ARHGAP6: variants seen among roughly 807,000 people sequenced by gnomAD.
The protein encoded by ARHGAP6 is rho GTPase-activating protein 6.
ARHGAP6 carries 16 observed loss-of-function variants against 55.7 expected under a neutral mutation model. The observed-to-expected ratio is 0.29, with a 90% CI of 0.19 to 0.44. The LOEUF is 0.44. Among genes scored for constraint, ARHGAP6 ranks in the 20% least tolerant of loss-of-function variants. ARHGAP6 has a pLI of 1.00. For missense variants in ARHGAP6, 698 were observed against 808.9 expected (o/e 0.86, Z 1.66); for synonymous variants, 382 against 360.9 (o/e 1.06, Z -0.66).
chrX:11,144,777 C>A (rs1033260386), intron 10 of ARHGAP6, among the ~76,000 whole-genome samples: 6 of 112,286 alleles, frequency 5.3e-5, no homozygotes, highest in African/African-American at 1.9e-4. Context: ...ATAAATCCAT[C>A]CTTCATGTGA....
chrX:11,580,758 C>T lies in ARHGAP6; in HGVS notation c.588+83483G>A, dbSNP rs959339506. ...AACAGTGAGAATATATTATATTTTA[C>T]ATTTCTCTAATACTTCCATTTGTGG... On this transcript the variant is annotated intron_variant, in intron 1 of 12. Transcript: ENST00000337414. Among the ~76,000 whole-genome samples, 48 of 112,186 alleles carry T rather than the reference C, an allele frequency of 4.3e-4. 1 individual carries two copies. Among genetic ancestry groups the T allele is most frequent in the Non-Finnish European group, 7.7e-4 (41 of 53,176 alleles).
At chrX:11,590,898 GA>G (rs1175165964) in intron 1 of ARHGAP6, among the ~76,000 whole-genome samples, 1 of 90,422 alleles carries the variant, frequency 1.1e-5, no homozygotes, top group Non-Finnish European at 2.2e-5. Flanking sequence ...AAGAAAGAAA[GA>G]AAGAAAGAAA....
At chrX:11,330,155 G>A (rs1163544667) in intron 1 of ARHGAP6, among the ~76,000 whole-genome samples, 4 of 113,069 alleles carry the variant, frequency 3.5e-5, no homozygotes, top group Non-Finnish European at 7.5e-5. Context: ...GGTGAGGCTG[G>A]GGGATGTCAG....
chrX:11,197,352 T>G (rs1213577885), intron 2 of ARHGAP6, among the ~76,000 whole-genome samples: 1 of 112,213 alleles, frequency 8.9e-6, no homozygotes, highest in Non-Finnish European at 1.9e-5. Flanking sequence ...CTAATCTCCA[T>G]GAGAAGAGAA....
chrX:11,358,935 C>G, intron 1 of ARHGAP6, among the ~76,000 whole-genome samples: 1 of 111,699 alleles, frequency 9.0e-6, no homozygotes, highest in Non-Finnish European at 1.9e-5. Context: ...GGTCCTCCAC[C>G]CATGTCTAGA....
chrX:11,425,294 A>T (rs1464158035), intron 1 of ARHGAP6, among the ~76,000 whole-genome samples: 2 of 112,361 alleles, frequency 1.8e-5, no homozygotes, highest in Non-Finnish European at 3.8e-5. Flanking sequence ...TGAGCAAAGT[A>T]AGTGGAATAT....
At chrX:11,518,609 G>C (rs1194548499) in intron 1 of ARHGAP6, among the ~76,000 whole-genome samples, 2 of 106,349 alleles carry the variant, frequency 1.9e-5, no homozygotes, top group African/African-American at 6.9e-5. Flanking sequence ...TCTTCCTCAA[G>C]GCCTCCCTTG....
intron 1 of ARHGAP6, among the ~76,000 whole-genome samples, chrX:11,430,924 C>G (rs1238985080): frequency 9.0e-6 from 1 of 111,584 alleles, no homozygotes; most frequent in Non-Finnish European, 1.9e-5. Context: ...GTCTATCATT[C>G]CACACTTTAT....
chrX:11,628,512 A>G (rs2052325027), intron 1 of ARHGAP6, among the ~76,000 whole-genome samples: 1 of 112,868 alleles, frequency 8.9e-6, no homozygotes, highest in African/African-American at 3.2e-5. Context: ...AAACAGCTAT[A>G]TTCTCTGCAT....
intron 5 of ARHGAP6, among the ~76,000 whole-genome samples, chrX:11,185,164 G>GTGTGTGTGTGTGTGTGTGTA (rs1569246220): frequency 2.7e-5 from 3 of 110,613 alleles, no homozygotes; most frequent in Non-Finnish European, 5.7e-5. Context: ...GTGTGTGTGT[G>GTGTGTGTGTGTGTGTGTGTA]TGTGTGTGTG....
intron 1 of ARHGAP6, among the ~76,000 whole-genome samples, chrX:11,344,053 T>C (rs1313811347): frequency 8.9e-6 from 1 of 111,974 alleles, no homozygotes; most frequent in Non-Finnish European, 1.9e-5. Flanking sequence ...GGATGACTAA[T>C]TTGAATAATC....
chrX:11,381,698 G>A (rs2049265092), intron 1 of ARHGAP6, among the ~76,000 whole-genome samples: 1 of 112,120 alleles, frequency 8.9e-6, no homozygotes, highest in African/African-American at 3.2e-5. Flanking sequence ...TTTGTCAGAC[G>A]TGCGTTACAG....
At chrX:11,560,978 G>A (rs2051378717) in intron 1 of ARHGAP6, among the ~76,000 whole-genome samples, 1 of 111,759 alleles carries the variant, frequency 8.9e-6, no homozygotes, top group South Asian at 3.7e-4. Context: ...TCTAGGGCAG[G>A]GGCCACACCT....
intron 3 of ARHGAP6, among the ~76,000 whole-genome samples, chrX:11,192,921 T>C (rs760045644): frequency 1.7e-4 from 19 of 112,305 alleles, no homozygotes; most frequent in Non-Finnish European, 3.2e-4. Flanking sequence ...ACACAGAAAT[T>C]TTCTGAAGTT....
chrX:11,625,328 CGTGT>C (rs996332978), intron 1 of ARHGAP6, among the ~76,000 whole-genome samples: 1 of 108,690 alleles, frequency 9.2e-6, no homozygotes, highest in African/African-American at 3.4e-5. Flanking sequence ...TATATGTTTA[CGTGT>C]GTGTGTGTTT....
chrX:11,616,353 G>A (rs751667947), intron 1 of ARHGAP6, among the ~76,000 whole-genome samples: 1 of 110,563 alleles, frequency 9.0e-6, no homozygotes, highest in South Asian at 3.9e-4. Flanking sequence ...TTGAGATGGA[G>A]TCTTGTTCTG....
intron 1 of ARHGAP6, among the ~76,000 whole-genome samples, chrX:11,370,987 A>G: frequency 8.9e-6 from 1 of 112,378 alleles, no homozygotes. Context: ...TAGAAATAGT[A>G]GGAATAACTA....
At chrX:11,644,674 A>G (rs776454758) in intron 1 of ARHGAP6, among the ~76,000 whole-genome samples, 1 of 111,158 alleles carries the variant, frequency 9.0e-6, no homozygotes, top group South Asian at 3.8e-4. Flanking sequence ...TGAAAAAAAT[A>G]GAAACTACTA....
At chrX:11,478,165 A>G (rs1185061179) in intron 1 of ARHGAP6, among the ~76,000 whole-genome samples, 2 of 111,858 alleles carry the variant, frequency 1.8e-5, no homozygotes, top group African/African-American at 3.2e-5. Flanking sequence ...CAGCTTCCCT[A>G]TGAACCAGCA....
Sources: gnomAD v4.1 joint callset for allele counts (sites outside exome capture counted in the v4.1 genomes callset) on GRCh38, gnomAD v4.1.1 for gene constraint, MANE v1.5 for transcripts, NCBI Gene and HGNC (gene_info 2026-07-23, HGNC 2026-07-21) for gene names.